SENP7: variants seen among roughly 807,000 people sequenced by gnomAD.
SENP7 encodes sentrin-specific protease 7.
SENP7 carries 64 observed loss-of-function variants against 141.2 expected under a neutral mutation model. The observed-to-expected ratio is 0.45, with a 90% confidence interval of 0.37 to 0.56. The LOEUF (loss-of-function observed/expected upper bound fraction) is 0.56, where lower values mean the gene tolerates loss of function less well. Among genes scored for constraint, SENP7 ranks in the 20% least tolerant of loss-of-function variants. The pLI, the probability that SENP7 is intolerant of heterozygous loss-of-function variation, is 0.00. For missense variants in SENP7, 1,025 were observed against 1,212.2 expected (o/e 0.85, Z 2.29); for synonymous variants, 382 against 426.4 (o/e 0.90, Z 1.28).
intron 4 of SENP7, among the ~76,000 whole-genome samples, chr3:101,438,885 G>A (rs1332834267): frequency 3.3e-5 from 5 of 150,922 alleles, no homozygotes; most frequent in South Asian, 2.1e-4. Flanking sequence ...CGCGGGGCCC[G>A]AGGGCAAGGA....
intron 3 of SENP7, among the ~76,000 whole-genome samples, chr3:101,464,718 G>A (rs2063703587): frequency 6.6e-6 from 1 of 152,046 alleles, no homozygotes; most frequent in Admixed American, 6.6e-5. Context: ...CACAATAAAT[G>A]TAACATGCTT....
At chr3:101,450,981 A>G (rs1186636895) in intron 4 of SENP7, among the ~76,000 whole-genome samples, 1 of 152,210 alleles carries the variant, frequency 6.6e-6, no homozygotes, top group African/African-American at 2.4e-5. Flanking sequence ...AGACTAATAA[A>G]GAAGAAAAGA....
In SENP7 at chr3:101,493,882, G is replaced by T. The variant is rs1012173670; in HGVS notation, c.177C>A (p.Leu59=). The T allele has an allele frequency of 6.3e-7, 1 of 1,586,478 alleles. No homozygotes were observed. The highest frequency in any genetic ancestry group is 1.7e-5 in the Admixed American group (1 of 59,768). ...TAATTTTATTTACCACCTGCAAAGG[G>T]AGAGTCCAGCGTTCTGAGCTTCTGA... ...SKFRSSERWT[L]PLQWERSLRN... Residue 59 remains leucine, a synonymous_variant, in exon 3 of 24, where the codon CTC becomes CTA. Coordinates refer to ENST00000394095, the MANE Select transcript of SENP7 (RefSeq NM_020654.5).
chr3:101,327,334 C>T (rs527244076), intron 23 of SENP7, among the ~76,000 whole-genome samples: 26 of 152,060 alleles, frequency 1.7e-4, no homozygotes, highest in African/African-American at 3.9e-4. Flanking sequence ...ATCATGGGGG[C>T]GGTTTTCCCC....
intron 3 of SENP7, among the ~76,000 whole-genome samples, chr3:101,490,211 A>C (rs1000611532): frequency 2.0e-5 from 3 of 152,026 alleles, no homozygotes; most frequent in Non-Finnish European, 2.9e-5. Context: ...AAACAAACAA[A>C]AAAAAAAAGA....
chr3:101,476,419 G>C (rs2064220713), intron 3 of SENP7, among the ~76,000 whole-genome samples: 1 of 152,156 alleles, frequency 6.6e-6, no homozygotes, highest in African/African-American at 2.4e-5. Flanking sequence ...TCCCTGCAAA[G>C]GACATGAACT....
chr3:101,345,123 T>C (rs943709774), intron 13 of SENP7, among the ~76,000 whole-genome samples: 3 of 152,076 alleles, frequency 2.0e-5, no homozygotes, highest in African/African-American at 7.2e-5. Context: ...TATGGCCTTA[T>C]AGTTTGAAAT....
At chr3:101,390,221 A>T (rs112478062) in intron 6 of SENP7, among the ~76,000 whole-genome samples, 2 of 52,272 alleles carry the variant, frequency 3.8e-5, no homozygotes, top group African/African-American at 5.6e-5. Context: ...CTCTGTCTCA[A>T]AAAAAAAAAA....
chr3:101,371,349 A>G, intron 7 of SENP7, among the ~76,000 whole-genome samples: 1 of 152,258 alleles, frequency 6.6e-6, no homozygotes, highest in South Asian at 2.1e-4. Flanking sequence ...GCAAGCAACA[A>G]AGAGACTTCA....
At chr3:101,366,296 T>C (rs755774324) in intron 9 of SENP7, 134 bp downstream of exon 9, 10 of 533,440 alleles carry the variant, frequency 1.9e-5, no homozygotes, top group Non-Finnish European at 2.8e-5. Context: ...AGCCCTTTTT[T>C]CCTAAAGTTA....
In SENP7 at chr3:101,493,920, G is replaced by GAC; in HGVS notation, c.138_139insGT (p.Pro47ValfsTer22). On this transcript the variant is annotated frameshift_variant, in exon 3 of 24. Transcript: ENST00000394095. LOFTEE classifies it high-confidence loss of function. ...TCTGAGCTTCTGAATTTGGACAGTG[G>GAC]TGATTGAACATGGACATCCTCTGGT... 6.2e-7 allele frequency: 1 copy of GAC among 1,610,770 alleles called. No homozygotes were observed. Among genetic ancestry groups the GAC allele is most frequent in the Non-Finnish European group, 8.5e-7 (1 of 1,177,654 alleles).
intron 7 of SENP7, 77 bp from the exon 8 acceptor site, chr3:101,368,088 T>A: frequency 9.3e-7 from 1 of 1,074,708 alleles, no homozygotes; most frequent in East Asian, 2.4e-5. Context: ...CGAAGTAACA[T>A]CATCAGGATT....
intron 3 of SENP7, among the ~76,000 whole-genome samples, chr3:101,488,607 C>T (rs1000452872): frequency 2.6e-5 from 4 of 152,136 alleles, no homozygotes; most frequent in African/African-American, 7.2e-5. Flanking sequence ...TTTGGGAGGC[C>T]GAGGCAGCTG....
chr3:101,423,359 AC>A (rs1158070448), intron 4 of SENP7, among the ~76,000 whole-genome samples: 2 of 152,202 alleles, frequency 1.3e-5, no homozygotes, highest in Admixed American at 1.3e-4. Context: ...AGATACTGCT[AC>A]ACCTCCATTA....
chr3:101,350,699 T>C (rs2059591172), intron 12 of SENP7, among the ~76,000 whole-genome samples: 1 of 152,086 alleles, frequency 6.6e-6, no homozygotes, highest in African/African-American at 2.4e-5. Flanking sequence ...ACCCAGGTCT[T>C]TAACTATAAA....
intron 3 of SENP7, among the ~76,000 whole-genome samples, chr3:101,470,179 G>C (rs971148417): frequency 6.6e-6 from 1 of 152,088 alleles, no homozygotes; most frequent in Non-Finnish European, 1.5e-5. Context: ...ACAGAAGGAA[G>C]AGCAAACAAA....
intron 22 of SENP7, among the ~76,000 whole-genome samples, chr3:101,328,181 A>AT (rs903170947): frequency 6.6e-6 from 1 of 152,094 alleles, no homozygotes; most frequent in Non-Finnish European, 1.5e-5. Flanking sequence ...AAGAGTTCTT[A>AT]TTTTTTTCTA....
intron 5 of SENP7, among the ~76,000 whole-genome samples, chr3:101,401,479 A>G (rs2061139901): frequency 6.6e-6 from 1 of 151,698 alleles, no homozygotes; most frequent in Admixed American, 6.6e-5. Context: ...CAGTGAGCCA[A>G]GATACTGCCA....
At chr3:101,472,083 AGAC>A (rs1423936945) in intron 3 of SENP7, among the ~76,000 whole-genome samples, 2 of 152,260 alleles carry the variant, frequency 1.3e-5, no homozygotes, top group Non-Finnish European at 2.9e-5. Flanking sequence ...CCATTGTAGA[AGAC>A]AGTGTGGCGA....
Sources: gnomAD v4.1 joint callset for allele counts (sites outside exome capture counted in the v4.1 genomes callset) on GRCh38, gnomAD v4.1.1 for gene constraint, MANE v1.5 for transcripts, NCBI Gene and HGNC (gene_info 2026-07-23, HGNC 2026-07-21) for gene names.